The following GPHN variants were observed in gnomAD, a reference collection of about 807,000 sequenced individuals.
The protein encoded by GPHN is gephyrin.
Under a neutral mutation model 95.5 loss-of-function variants are expected in GPHN, and 17 were observed. The observed-to-expected ratio is 0.18, with a 90% CI of 0.12 to 0.27. The LOEUF is 0.27. Among genes scored for constraint, GPHN ranks in the 10% least tolerant of loss-of-function variants. GPHN has a pLI of 1.00. For missense variants in GPHN, 660 were observed against 978.1 expected (o/e 0.67, Z 4.34); for synonymous variants, 320 against 322.5 (o/e 0.99, Z 0.08).
the GPHN span, among the ~76,000 whole-genome samples, chr14:67,621,875 T>C: frequency 6.6e-6 from 1 of 150,870 alleles, no homozygotes; most frequent in African/African-American, 2.4e-5. Context: ...GGTGGGTGGA[T>C]CACCTGAGGT....
intron 1 of GPHN, among the ~76,000 whole-genome samples, chr14:66,655,248 T>C (rs949434937): frequency 5.3e-5 from 8 of 152,162 alleles, no homozygotes; most frequent in Non-Finnish European, 7.4e-5. Flanking sequence ...CAATCTGTTA[T>C]TCTGTATATT....
chr14:66,631,654 GACA>G (rs1489356331), intron 1 of GPHN, among the ~76,000 whole-genome samples: 6 of 152,196 alleles, frequency 3.9e-5, no homozygotes, highest in Non-Finnish European at 7.4e-5. Context: ...AGTAAAATTT[GACA>G]ACAACTAGAC....
At chr14:66,817,015 G>A (rs2060997172) in intron 3 of GPHN, among the ~76,000 whole-genome samples, 1 of 151,992 alleles carries the variant, frequency 6.6e-6, no homozygotes, top group Admixed American at 6.6e-5. Context: ...GTTAAATAAT[G>A]TAAATGTAAA....
chr14:67,156,932 A>C (rs1018642850), intron 18 of GPHN, among the ~76,000 whole-genome samples: 9 of 151,608 alleles, frequency 5.9e-5, no homozygotes, highest in African/African-American at 2.2e-4. Flanking sequence ...AGATCGCGCC[A>C]CTGCACTCCA....
Position 66,752,333 on chromosome 14 carries a change from A to C in GPHN, c.144-24131A>C, listed in dbSNP as rs531603333. Among the ~76,000 whole-genome samples the C allele has an allele frequency of 9.2e-5, 14 of 152,238 alleles. No homozygotes were observed. The South Asian group carries it at 2.9e-3, about 32-fold the overall frequency. ...TGGCTTTTTGCCATAAGAGAAGGTT[A>C]TCTCAGCTTTTGACATGCTTTCTTC... On this transcript the variant is annotated intron_variant, in intron 2 of 22. Coordinates refer to ENST00000478722, the MANE Select transcript of GPHN (RefSeq NM_020806.5).
chr14:66,903,442 T>C (rs1567081810), intron 5 of GPHN, among the ~76,000 whole-genome samples: 1 of 152,118 alleles, frequency 6.6e-6, no homozygotes. Context: ...TTGTAGTCCA[T>C]TTTATCTAAG....
At chr14:66,564,131 A>G (rs1030727913) in intron 1 of GPHN, among the ~76,000 whole-genome samples, 1 of 152,124 alleles carries the variant, frequency 6.6e-6, no homozygotes, top group South Asian at 2.1e-4. Flanking sequence ...ATTAAATTAT[A>G]GGGAGATTGG....
At chr14:67,341,979 G>T in the GPHN span, among the ~76,000 whole-genome samples, 1 of 151,724 alleles carries the variant, frequency 6.6e-6, no homozygotes, top group South Asian at 2.1e-4. Flanking sequence ...ACAGATGCTT[G>T]AAGGCAGCAT....
the GPHN span, among the ~76,000 whole-genome samples, chr14:67,209,381 T>G: frequency 6.6e-6 from 1 of 152,180 alleles, no homozygotes; most frequent in Non-Finnish European, 1.5e-5. Flanking sequence ...GTCAAGGCCA[T>G]TTGAGCAGAG....
intron 10 of GPHN, among the ~76,000 whole-genome samples, chr14:67,048,172 T>C (rs1298807206): frequency 6.6e-6 from 1 of 152,238 alleles, no homozygotes; most frequent in African/African-American, 2.4e-5. Context: ...GGAGGCTTTC[T>C]ACATCATAGA....
chr14:67,430,206 G>C, the GPHN span, among the ~76,000 whole-genome samples: 1 of 152,268 alleles, frequency 6.6e-6, no homozygotes, highest in South Asian at 2.1e-4. Flanking sequence ...ACAGAGCTTG[G>C]ATGACATGGA....
At chr14:67,301,897 G>T in the GPHN span, 1 of 1,455,612 alleles carries the variant, frequency 6.9e-7, no homozygotes, top group Non-Finnish European at 9.2e-7. Context: ...AGAATACTAT[G>T]TACATAGGTT....
At chr14:67,193,328 C>T in the GPHN span, among the ~76,000 whole-genome samples, 1 of 134,622 alleles carries the variant, frequency 7.4e-6, no homozygotes, top group Non-Finnish European at 1.6e-5. Context: ...ATCTATATAT[C>T]TCTATATAGA....
At chr14:67,642,686 CTT>C in the GPHN span, among the ~76,000 whole-genome samples, 3 of 149,496 alleles carry the variant, frequency 2.0e-5, no homozygotes, top group Non-Finnish European at 4.4e-5. Context: ...TATCTTATGA[CTT>C]TGGAGAATTA....
intron 11 of GPHN, among the ~76,000 whole-genome samples, chr14:67,087,947 T>G (rs1368386716): frequency 1.3e-5 from 2 of 152,210 alleles, no homozygotes; most frequent in Non-Finnish European, 2.9e-5. Flanking sequence ...CTAGAGGATT[T>G]CAGGAATTGG....
chr14:67,669,965 T>A, the GPHN span, among the ~76,000 whole-genome samples: 1 of 152,080 alleles, frequency 6.6e-6, no homozygotes, highest in Non-Finnish European at 1.5e-5. Context: ...CCTGGTGCCA[T>A]GCACCTGTGG....
intron 1 of GPHN, among the ~76,000 whole-genome samples, chr14:66,618,883 C>A (rs192851176): frequency 3.3e-5 from 5 of 152,158 alleles, no homozygotes; most frequent in Non-Finnish European, 7.4e-5. Context: ...ACAAGTTTCC[C>A]CTCAATTTTT....
intron 5 of GPHN, among the ~76,000 whole-genome samples, chr14:66,912,487 C>T (rs968589694): frequency 8.6e-5 from 13 of 152,008 alleles, no homozygotes; most frequent in Admixed American, 1.3e-4. Flanking sequence ...AAAAACAATG[C>T]GCTATGTAAC....
intron 4 of GPHN, among the ~76,000 whole-genome samples, chr14:66,826,634 C>A (rs112274653): frequency 0.016 from 2,379 of 152,274 alleles, 32 homozygotes; most frequent in Non-Finnish European, 0.018. Flanking sequence ...AGGTCCAAAA[C>A]CTCCTGGAAA....
Sources: allele counts gnomAD v4.1 joint callset (sites outside exome capture counted in the v4.1 genomes callset), GRCh38; gene constraint gnomAD v4.1.1; transcripts MANE v1.5; gene names NCBI Gene and HGNC (gene_info 2026-07-23, HGNC 2026-07-21).